Variants in ZNF385D observed in about 807,000 individuals in gnomAD.
ZNF385D encodes the protein zinc finger protein 659.
Under a neutral mutation model 35.8 loss-of-function variants are expected in ZNF385D, and 15 were observed. The observed-to-expected ratio is 0.42, with a 90% CI of 0.28 to 0.64. The LOEUF (loss-of-function observed/expected upper bound fraction) is 0.64. Ranked by LOEUF, ZNF385D falls within the 30% of genes least tolerant of loss-of-function variation. The pLI, the probability that ZNF385D is intolerant of heterozygous loss-of-function variation, is 0.23. For missense variants in ZNF385D, 474 were observed against 494.6 expected (o/e 0.96, Z 0.39); for synonymous variants, 212 against 186.8 (o/e 1.13, Z -1.10).
intron 3 of ZNF385D, among the ~76,000 whole-genome samples, chr3:21,804,515 A>G (rs1238226178): frequency 1.3e-5 from 2 of 152,088 alleles, no homozygotes; most frequent in African/African-American, 4.8e-5. Context: ...AGAGGGAGTG[A>G]TATTTCTTTT....
chr3:21,908,646 A>G (rs1369922123), intron 3 of ZNF385D, among the ~76,000 whole-genome samples: 2 of 152,070 alleles, frequency 1.3e-5, no homozygotes, highest in Admixed American at 6.6e-5. Flanking sequence ...GACTTTTAAA[A>G]TGAAGAAATT....
intron 3 of ZNF385D, among the ~76,000 whole-genome samples, chr3:21,936,536 G>GT (rs749107212): frequency 1.1e-3 from 160 of 151,660 alleles, no homozygotes; most frequent in African/African-American, 3.4e-3. Flanking sequence ...GGAACACATA[G>GT]TTTTTTTTAT....
At chr3:22,271,099 C>G (rs1362560361) in intron 2 of ZNF385D, among the ~76,000 whole-genome samples, 1 of 151,936 alleles carries the variant, frequency 6.6e-6, no homozygotes, top group Non-Finnish European at 1.5e-5. Flanking sequence ...GCCAGAGATC[C>G]AGCCATCTAT....
intron 3 of ZNF385D, among the ~76,000 whole-genome samples, chr3:21,970,517 G>A (rs968524067): frequency 6.7e-6 from 1 of 150,112 alleles, no homozygotes; most frequent in African/African-American, 2.4e-5. Flanking sequence ...AGACACAAAA[G>A]AAAAAAGAAT....
intron 3 of ZNF385D, among the ~76,000 whole-genome samples, chr3:21,981,482 T>C (rs1038246179): frequency 6.6e-6 from 1 of 152,194 alleles, no homozygotes; most frequent in Admixed American, 6.6e-5. Context: ...GTCAGATGCA[T>C]AGTTGGCAAA....
In ZNF385D at chr3:21,865,586, A is replaced by T. The variant is rs115517896; in HGVS notation, c.326-200558T>A. On this transcript the variant is annotated intron_variant, in intron 3 of 5. Transcript: ENST00000494108. ...ATTACAAAATAAATTTCAAAGCGTCATACATTGTATCTTTATCAAGAACTT... is the reference window on the plus strand; with the variant it reads ...ATTACAAAATAAATTTCAAAGCGTCTTACATTGTATCTTTATCAAGAACTT... Among the ~76,000 whole-genome samples, 576 of 152,230 alleles carry T rather than the reference A, an allele frequency of 3.8e-3. 5 individuals are homozygous for T. Among genetic ancestry groups the T allele is most frequent in the African/African-American group, 0.013 (550 of 41,566 alleles).
chr3:22,336,866 A>C (rs2125470324), intron 2 of ZNF385D, among the ~76,000 whole-genome samples: 1 of 141,046 alleles, frequency 7.1e-6, no homozygotes, highest in Non-Finnish European at 1.5e-5. Context: ...ACATAATGGT[A>C]ATGAATGACA....
intron 3 of ZNF385D, among the ~76,000 whole-genome samples, chr3:21,934,094 C>A (rs569623347): frequency 1.3e-5 from 2 of 151,858 alleles, no homozygotes; most frequent in Non-Finnish European, 2.9e-5. Context: ...AAAAGAGAAT[C>A]GAGCATGCTT....
chr3:22,242,741 C>T (rs1699566421), intron 2 of ZNF385D, among the ~76,000 whole-genome samples: 1 of 150,798 alleles, frequency 6.6e-6, no homozygotes, highest in African/African-American at 2.5e-5. Context: ...GAATAAAGAC[C>T]ATAGTTAATG....
chr3:22,060,401 A>T (rs1007323363), intron 3 of ZNF385D, among the ~76,000 whole-genome samples: 22 of 152,358 alleles, frequency 1.4e-4, no homozygotes, highest in African/African-American at 5.0e-4. Flanking sequence ...TCAATCAACC[A>T]TCCACACATA....
chr3:21,679,796 G>C (rs1183710370), intron 1 of ZNF385D, among the ~76,000 whole-genome samples: 2 of 152,060 alleles, frequency 1.3e-5, no homozygotes, highest in Non-Finnish European at 2.9e-5. Context: ...GATTGACCTC[G>C]ATAGAACTGT....
At chr3:22,072,538 A>G (rs1700278816) in intron 3 of ZNF385D, among the ~76,000 whole-genome samples, 1 of 151,994 alleles carries the variant, frequency 6.6e-6, no homozygotes, top group Non-Finnish European at 1.5e-5. Context: ...TTCTATGGAG[A>G]TTGGTTATAG....
intron 2 of ZNF385D, among the ~76,000 whole-genome samples, chr3:22,175,621 T>A (rs2125769805): frequency 6.6e-6 from 1 of 152,042 alleles, no homozygotes; most frequent in East Asian, 1.9e-4. Flanking sequence ...ATAAAACTTG[T>A]GAAAGAAATT....
intron 2 of ZNF385D, among the ~76,000 whole-genome samples, chr3:22,344,424 C>T (rs907787326): frequency 3.3e-5 from 5 of 152,036 alleles, no homozygotes; most frequent in Admixed American, 6.6e-5. Context: ...TCTCCTCGCT[C>T]TGTCACCCAA....
chr3:22,284,661 A>G (rs545539563), intron 2 of ZNF385D, among the ~76,000 whole-genome samples: 144 of 152,238 alleles, frequency 9.5e-4, no homozygotes, highest in African/African-American at 3.4e-3. Context: ...TGCATGTAAA[A>G]TAAAGGAAAA....
intron 3 of ZNF385D, among the ~76,000 whole-genome samples, chr3:22,141,194 T>C (rs1292525617): frequency 6.6e-6 from 1 of 152,122 alleles, no homozygotes; most frequent in Non-Finnish European, 1.5e-5. Flanking sequence ...AATCATTCTC[T>C]TGGATGCCGA....
At chr3:22,273,194 A>T (rs946441467) in intron 2 of ZNF385D, among the ~76,000 whole-genome samples, 4 of 152,074 alleles carry the variant, frequency 2.6e-5, no homozygotes, top group Non-Finnish European at 5.9e-5. Flanking sequence ...ACTAACTGGA[A>T]TTAGATCCAA....
In ZNF385D at chr3:22,336,922, A is replaced by AAAAAAAAAAAAC. The variant is rs1559527461; in HGVS notation, c.106+35527_106+35528insGTTTTTTTTTTT. 2.8e-5 allele frequency among the ~76,000 whole-genome samples: 4 copies of AAAAAAAAAAAAC among 145,264 alleles called. 1 individual carries two copies. The highest frequency in any genetic ancestry group is 6.0e-5 in the Non-Finnish European group (4 of 66,214). On this transcript the variant is annotated intron_variant, in intron 2 of 5. Coordinates refer to the ZNF385D transcript ENST00000494108. ...ACAGTGATTTTTCAAAAAAAAAAAA[A>AAAAAAAAAAAAC]AAAAAAAAAAAAAAACCCTTACTGT...
At chr3:21,559,193 A>T (rs1250972299) in intron 3 of ZNF385D, among the ~76,000 whole-genome samples, 1 of 152,040 alleles carries the variant, frequency 6.6e-6, no homozygotes, top group East Asian at 1.9e-4. Flanking sequence ...TTATGTGTGA[A>T]TTTGAGCCTC....
Sources: allele counts gnomAD v4.1 joint callset (sites outside exome capture counted in the v4.1 genomes callset), GRCh38; gene constraint gnomAD v4.1.1; transcripts MANE v1.5; gene names NCBI Gene and HGNC (gene_info 2026-07-23, HGNC 2026-07-21).